Variants in FOXP2 observed in about 807,000 individuals in gnomAD.
FOXP2 encodes forkhead box protein P2.
FOXP2 carries 12 observed loss-of-function variants against 115.8 expected under a neutral mutation model. That is an observed-to-expected ratio of 0.10 (90% CI 0.07 to 0.17). The LOEUF (loss-of-function observed/expected upper bound fraction) is 0.17. Ranked by LOEUF, FOXP2 falls within the 10% of genes least tolerant of loss-of-function variation. FOXP2 has a pLI of 1.00. For missense variants in FOXP2, 629 were observed against 843.5 expected (o/e 0.75, Z 3.15); for synonymous variants, 328 against 297.7 (o/e 1.10, Z -1.05).
At chr7:114,652,574 C>T (rs115813050) in intron 9 of FOXP2, among the ~76,000 whole-genome samples, 1 of 152,170 alleles carries the variant, frequency 6.6e-6, no homozygotes, top group African/African-American at 2.4e-5. Flanking sequence ...TTTCCCAATG[C>T]AGGTTAGACC....
At chr7:114,215,231 G>A (rs182296369) in intron 1 of FOXP2, among the ~76,000 whole-genome samples, 6 of 152,012 alleles carry the variant, frequency 3.9e-5, no homozygotes, top group Admixed American at 2.0e-4. Flanking sequence ...TTGTTTTATC[G>A]TGGGGAAGGA....
intron 2 of FOXP2, among the ~76,000 whole-genome samples, chr7:114,501,747 C>A (rs139703163): frequency 2.0e-5 from 3 of 152,098 alleles, no homozygotes; most frequent in African/African-American, 7.2e-5. Flanking sequence ...AATACACAAT[C>A]TCTGCTTTTC....
intron 1 of FOXP2, among the ~76,000 whole-genome samples, chr7:114,235,882 A>G (rs187601266): frequency 6.6e-6 from 1 of 152,180 alleles, no homozygotes; most frequent in Admixed American, 6.5e-5. Flanking sequence ...AACTTATACA[A>G]CTCATTCTCT....
chr7:114,257,581 G>A (rs1315396362), intron 1 of FOXP2, among the ~76,000 whole-genome samples: 1 of 150,844 alleles, frequency 6.6e-6, no homozygotes, highest in Non-Finnish European at 1.5e-5. Context: ...AGCCTCCCGA[G>A]TAGCTGGCAT....
At chr7:114,194,613 T>C (rs1485559000) in intron 1 of FOXP2, among the ~76,000 whole-genome samples, 2 of 152,146 alleles carry the variant, frequency 1.3e-5, no homozygotes, top group African/African-American at 2.4e-5. Context: ...TAAAGCTTTA[T>C]ATGACACGTT....
At chr7:114,350,193 A>C (rs1198769029) in intron 2 of FOXP2, among the ~76,000 whole-genome samples, 2 of 152,110 alleles carry the variant, frequency 1.3e-5, no homozygotes, top group African/African-American at 4.8e-5. Flanking sequence ...GGTTTGTTAC[A>C]CAGGTATACA....
intron 2 of FOXP2, among the ~76,000 whole-genome samples, chr7:114,484,590 T>C (rs1320972356): frequency 6.6e-6 from 1 of 151,942 alleles, no homozygotes; most frequent in Non-Finnish European, 1.5e-5. Flanking sequence ...ATGACATTGA[T>C]TGTTCACATT....
In FOXP2 at chr7:114,243,213, A is replaced by G. The variant is rs527715680; in HGVS notation, c.-101-44806A>G. 4.6e-5 allele frequency among the ~76,000 whole-genome samples: 7 copies of G among 150,888 alleles called. No individual in the cohort carries two copies. In the South Asian group the frequency reaches 1.5e-3, roughly 32 times the overall value. The stretch of plus-strand genomic sequence containing the variant: ...GACTCATCGAAGCAATCAAAACTAG[A>G]GGGAGATAGCACAACACACTGAAAA... On this transcript the variant is annotated intron_variant, in intron 1 of 17. Coordinates refer to the FOXP2 transcript ENST00000634411.
intron 3 of FOXP2, among the ~76,000 whole-genome samples, chr7:114,593,993 A>C (rs541378975): frequency 2.6e-5 from 4 of 152,130 alleles, no homozygotes; most frequent in African/African-American, 9.6e-5. Flanking sequence ...AAGCATTGCT[A>C]TTGAGTGAAG....
In FOXP2 at chr7:114,448,630, T is replaced by C. The variant is rs569295349; in HGVS notation, c.168+21951T>C. ...ATTTGGTAGTACAGCTATAGAGAAA[T>C]ATACAATTACTTAGCCATTCCACTT... On this transcript the variant is annotated intron_variant, in intron 2 of 16. Coordinates refer to ENST00000350908, the MANE Select transcript of FOXP2 (RefSeq NM_014491.4). Among the ~76,000 whole-genome samples, 6 of 152,180 alleles carry C rather than the reference T, an allele frequency of 3.9e-5. No individual in the cohort carries two copies. The East Asian group carries it at 9.6e-4, about 24-fold the overall frequency.
chr7:114,511,645 A>C (rs1798084885), intron 2 of FOXP2, among the ~76,000 whole-genome samples: 1 of 152,150 alleles, frequency 6.6e-6, no homozygotes, highest in Non-Finnish European at 1.5e-5. Context: ...TATACTACAA[A>C]ATACAAATTT....
At chr7:114,275,587 G>A (rs2690842) in intron 1 of FOXP2, among the ~76,000 whole-genome samples, 96,553 of 152,016 alleles carry the variant, frequency 0.64, 31,718 homozygotes, top group Middle Eastern at 0.81. Context: ...CTGTTATTGG[G>A]TACTGTCTTC....
intron 2 of FOXP2, among the ~76,000 whole-genome samples, chr7:114,485,246 C>T (rs1796723544): frequency 6.6e-6 from 1 of 151,846 alleles, no homozygotes; most frequent in Non-Finnish European, 1.5e-5. Context: ...AAAACCTCAC[C>T]TACGTATGGT....
chr7:114,558,136 T>C (rs937315605), intron 3 of FOXP2, among the ~76,000 whole-genome samples: 3 of 152,114 alleles, frequency 2.0e-5, no homozygotes, highest in Non-Finnish European at 2.9e-5. Context: ...AGATTACTAG[T>C]GTATTTGAGG....
chr7:114,110,046 G>A (rs1791223820), intron 1 of FOXP2, among the ~76,000 whole-genome samples: 1 of 152,090 alleles, frequency 6.6e-6, no homozygotes, highest in African/African-American at 2.4e-5. Flanking sequence ...TCCACATTTT[G>A]TCTCCCCTAG....
intron 1 of FOXP2, among the ~76,000 whole-genome samples, chr7:114,121,913 C>T (rs1329163754): frequency 1.3e-5 from 2 of 152,090 alleles, no homozygotes; most frequent in African/African-American, 4.8e-5. Flanking sequence ...ATTGTCCCAT[C>T]AGGTAGTAAG....
intron 2 of FOXP2, among the ~76,000 whole-genome samples, chr7:114,389,199 C>G (rs749663390): frequency 7.9e-5 from 12 of 152,218 alleles, no homozygotes; most frequent in Non-Finnish European, 1.2e-4. Flanking sequence ...AATAAAGATA[C>G]TGTTCCAAAA....
At chr7:114,113,393 A>C (rs1791323677) in intron 1 of FOXP2, among the ~76,000 whole-genome samples, 1 of 152,132 alleles carries the variant, frequency 6.6e-6, no homozygotes, top group Non-Finnish European at 1.5e-5. Flanking sequence ...CATTATTTCT[A>C]TTTTTAGAGA....
intron 2 of FOXP2, among the ~76,000 whole-genome samples, chr7:114,488,248 C>A (rs1000119975): frequency 4.0e-5 from 6 of 151,852 alleles, no homozygotes; most frequent in African/African-American, 1.2e-4. Flanking sequence ...ACGAGAAATA[C>A]CCACCCCCAT....
Sources: allele counts gnomAD v4.1 joint callset (sites outside exome capture counted in the v4.1 genomes callset), GRCh38; gene constraint gnomAD v4.1.1; transcripts MANE v1.5; gene names NCBI Gene and HGNC (gene_info 2026-07-23, HGNC 2026-07-21).